The following OXR1 variants were observed in gnomAD, a reference collection of about 807,000 sequenced individuals.
OXR1 encodes oxidation resistance protein 1.
A neutral mutation model predicts 104.6 loss-of-function variants in OXR1; 41 were observed. The observed-to-expected ratio is 0.39, with a 90% CI of 0.31 to 0.51. OXR1 has a LOEUF of 0.51. Among genes scored for constraint, OXR1 ranks in the 20% least tolerant of loss-of-function variants. The probability of loss-of-function intolerance (pLI) is 0.77; values close to 1 mark genes in which losing one functional copy is unlikely to be tolerated. For synonymous variants in OXR1, 348 were observed against 348.4 expected, an observed-to-expected ratio of 1.00 and a Z score of 0.01; for missense variants, 955 against 1,031.9, an observed-to-expected ratio of 0.93 and a Z score of 1.02.
At chr8:106,570,696 G>A (rs1366829223) in intron 3 of OXR1, among the ~76,000 whole-genome samples, 1 of 152,032 alleles carries the variant, frequency 6.6e-6, no homozygotes, top group Non-Finnish European at 1.5e-5. Flanking sequence ...ACTCCATTTT[G>A]TGCAGGCTTC....
intron 3 of OXR1, among the ~76,000 whole-genome samples, chr8:106,542,789 GA>G (rs1387790759): frequency 6.6e-6 from 1 of 151,732 alleles, no homozygotes; most frequent in African/African-American, 2.4e-5. Flanking sequence ...GTCATGAGAA[GA>G]AAAAAAATTA....
intron 3 of OXR1, among the ~76,000 whole-genome samples, chr8:106,547,047 C>T (rs368572569): frequency 1.2e-3 from 176 of 152,196 alleles, no homozygotes; most frequent in Non-Finnish European, 2.2e-3. Context: ...TGCACCACCA[C>T]GCCTAGCTAA....
chr8:106,658,121 G>A (rs910393791), intron 3 of OXR1: 1 of 1,246,982 alleles, frequency 8.0e-7, no homozygotes. Flanking sequence ...AGCCAGCCCA[G>A]GGGGACCTCG....
At position 106,369,394 on chromosome 8, in the gene OXR1, T is replaced by C. The variant is rs529278075; in HGVS notation, c.23+9758T>C. 2.7e-3 allele frequency among the ~76,000 whole-genome samples: 412 copies of C among 152,338 alleles called. 5 individuals are homozygous for C. The highest frequency in any genetic ancestry group is 9.3e-3 in the African/African-American group (385 of 41,568). On this transcript the variant is annotated intron_variant, in intron 2 of 16. Coordinates refer to ENST00000517566, the MANE Select transcript of OXR1 (RefSeq NM_001198533.2). ...TTTATTTTGCTGTGTAGAAGCTCAT[T>C]ATTTTAATTAGAACCCATTTGTCAA...
chr8:106,741,558 T>C (rs1444639295), intron 14 of OXR1, among the ~76,000 whole-genome samples: 3 of 152,124 alleles, frequency 2.0e-5, no homozygotes, highest in Non-Finnish European at 2.9e-5. Flanking sequence ...TTTTCAAAAT[T>C]AAGACTATAA....
At chr8:106,398,678 A>G (rs116996083) in intron 2 of OXR1, among the ~76,000 whole-genome samples, 1 of 152,040 alleles carries the variant, frequency 6.6e-6, no homozygotes, top group African/African-American at 2.4e-5. Context: ...TAACTCTACT[A>G]TCTTTAAGTT....
chr8:106,303,248 CTTTTTTTTTTTTTT>C (rs1164596413), intron 1 of OXR1, among the ~76,000 whole-genome samples: 1 of 92,364 alleles, frequency 1.1e-5, no homozygotes, highest in Admixed American at 1.3e-4. Context: ...TTTTTTCTTT[CTTTTTTTTTTTTTT>C]TTTTTTTTTG....
At chr8:106,484,767 T>C (rs935024305) in intron 2 of OXR1, among the ~76,000 whole-genome samples, 1 of 151,838 alleles carries the variant, frequency 6.6e-6, no homozygotes, top group African/African-American at 2.4e-5. Context: ...TGGTGTTTTT[T>C]TAAAAACAAA....
chr8:106,601,370 G>A (rs1819956634), intron 3 of OXR1, among the ~76,000 whole-genome samples: 1 of 152,088 alleles, frequency 6.6e-6, no homozygotes, highest in Non-Finnish European at 1.5e-5. Flanking sequence ...ATTTCTCACA[G>A]TTTGGAAGCT....
chr8:106,671,044 C>CAAAAAAAAAAAA (rs60404483), intron 3 of OXR1, among the ~76,000 whole-genome samples: 5 of 48,920 alleles, frequency 1.0e-4, no homozygotes, highest in African/African-American at 2.5e-4. Flanking sequence ...GACTCTGTCT[C>CAAAAAAAAAAAA]AAAAAAAAAA....
At chr8:106,527,311 C>T (rs962507462) in intron 3 of OXR1, among the ~76,000 whole-genome samples, 1 of 152,246 alleles carries the variant, frequency 6.6e-6, no homozygotes, top group South Asian at 2.1e-4. Flanking sequence ...TCTCATGGAG[C>T]TTATATGAAA....
At chr8:106,572,885 T>C (rs1817574914) in intron 3 of OXR1, among the ~76,000 whole-genome samples, 1 of 152,094 alleles carries the variant, frequency 6.6e-6, no homozygotes, top group African/African-American at 2.4e-5. Flanking sequence ...AATTGGCTAA[T>C]GGAATTATGA....
chr8:106,705,748 C>G (rs946758311), intron 8 of OXR1, among the ~76,000 whole-genome samples: 2 of 152,078 alleles, frequency 1.3e-5, no homozygotes, highest in African/African-American at 2.4e-5. Context: ...CAGTTATGAA[C>G]CATTCATTTG....
intron 2 of OXR1, among the ~76,000 whole-genome samples, chr8:106,391,287 C>T (rs1382462708): frequency 2.0e-5 from 3 of 152,096 alleles, no homozygotes. Flanking sequence ...ACAAAAAATA[C>T]TTTAACATTT....
At chr8:106,674,624 G>A (rs2131181885) in intron 3 of OXR1, among the ~76,000 whole-genome samples, 1 of 152,238 alleles carries the variant, frequency 6.6e-6, no homozygotes, top group South Asian at 2.1e-4. Context: ...GAATGATATG[G>A]TTTGGCTTTG....
At chr8:106,498,214 A>C (rs1383823118) in intron 2 of OXR1, among the ~76,000 whole-genome samples, 1 of 152,160 alleles carries the variant, frequency 6.6e-6, no homozygotes, top group Non-Finnish European at 1.5e-5. Context: ...GTACAATTGC[A>C]TGAACATCAA....
Position 106,716,259 on chromosome 8 carries a change from G to A in OXR1, c.1956+2274G>A, listed in dbSNP as rs181937675. The stretch of plus-strand genomic sequence containing the variant: ...AGTGTAAAATATTCTACTTCCTATA[G>A]CCACTAGCCACATGTAACCATTGAG... On this transcript the variant is annotated intron_variant, in intron 11 of 16. Transcript: ENST00000517566. Among the ~76,000 whole-genome samples the A allele has an allele frequency of 2.3e-3, 346 of 152,068 alleles. 1 individual carries two copies. Among genetic ancestry groups the A allele is most frequent in the African/African-American group, 7.7e-3 (321 of 41,470 alleles).
intron 1 of OXR1, among the ~76,000 whole-genome samples, chr8:106,271,247 G>C (rs943049424): frequency 6.6e-6 from 1 of 152,106 alleles, no homozygotes; most frequent in Non-Finnish European, 1.5e-5. Context: ...CTCCTCCTCC[G>C]TCTACTACCC....
intron 2 of OXR1, among the ~76,000 whole-genome samples, chr8:106,455,633 C>A (rs1820558947): frequency 6.6e-6 from 1 of 152,060 alleles, no homozygotes; most frequent in Non-Finnish European, 1.5e-5. Context: ...GGTGATGACC[C>A]CCTAGAGCAG....
Sources: allele counts gnomAD v4.1 joint callset (sites outside exome capture counted in the v4.1 genomes callset), GRCh38; gene constraint gnomAD v4.1.1; transcripts MANE v1.5; gene names NCBI Gene and HGNC (gene_info 2026-07-23, HGNC 2026-07-21).